Variants in RIMS2 observed in about 807,000 individuals in gnomAD.
RIMS2 encodes the protein regulating synaptic membrane exocytosis protein 2.
RIMS2 carries 59 observed loss-of-function variants against 174.4 expected under a neutral mutation model. The ratio of observed to expected loss-of-function variants is 0.34; its 90% CI spans 0.27 to 0.42. The LOEUF (loss-of-function observed/expected upper bound fraction) is 0.42, where lower values mean the gene tolerates loss of function less well. RIMS2 is among the 10% of genes least tolerant of loss of function. The pLI, the probability that RIMS2 is intolerant of heterozygous loss-of-function variation, is 1.00. For synonymous variants in RIMS2, 606 were observed against 572.5 expected (o/e 1.06, Z -0.84); for missense variants, 1,620 against 1,666.3 (o/e 0.97, Z 0.48).
At chr8:103,838,035 C>T (rs577045122) in intron 3 of RIMS2, among the ~76,000 whole-genome samples, 1 of 151,798 alleles carries the variant, frequency 6.6e-6, no homozygotes, top group East Asian at 1.9e-4. Context: ...CAGCTTTGAC[C>T]TCCCTGGCTC....
chr8:103,517,056 A>G (rs1185799553), intron 1 of RIMS2, among the ~76,000 whole-genome samples: 1 of 152,206 alleles, frequency 6.6e-6, no homozygotes, highest in African/African-American at 2.4e-5. Context: ...CTAATTTAGG[A>G]AACAGAGAGG....
At chr8:104,255,888 A>C (rs1480573579), downstream of RIMS2, 1 of 152,218 alleles carries the variant, frequency 6.6e-6, no homozygotes, top group East Asian at 1.9e-4. Flanking sequence ...TGTGCCACAC[A>C]CATCTTCCAT....
chr8:103,654,520 T>C (rs2135922066), intron 1 of RIMS2, among the ~76,000 whole-genome samples: 1 of 152,098 alleles, frequency 6.6e-6, no homozygotes, highest in East Asian at 1.9e-4. Context: ...AAATTCAGAA[T>C]CAATAGATTC....
At chr8:104,199,040 C>CTTTTATTTTATTTTA (rs61341032) in intron 19 of RIMS2, among the ~76,000 whole-genome samples, 58 of 148,548 alleles carry the variant, frequency 3.9e-4, no homozygotes, top group Admixed American at 2.2e-3. Flanking sequence ...TAAAATATAA[C>CTTTTATTTTATTTTA]TTTTATTTTA....
At chr8:104,096,232 C>T (rs543111903) in intron 19 of RIMS2, among the ~76,000 whole-genome samples, 1 of 152,216 alleles carries the variant, frequency 6.6e-6, no homozygotes, top group Admixed American at 6.5e-5. Flanking sequence ...TTTCTACATA[C>T]TGTATACATG....
intron 3 of RIMS2, among the ~76,000 whole-genome samples, chr8:103,805,085 A>C (rs2098641227): frequency 6.6e-6 from 1 of 151,948 alleles, no homozygotes; most frequent in Non-Finnish European, 1.5e-5. Flanking sequence ...GAACCACCAC[A>C]CCCAGCCTCA....
At chr8:104,201,907 A>C (rs1261211765) in intron 19 of RIMS2, among the ~76,000 whole-genome samples, 1 of 152,194 alleles carries the variant, frequency 6.6e-6, no homozygotes. Context: ...GCTAGTATTA[A>C]CAGTTTTCAT....
At chr8:103,621,770 A>G (rs1398080899) in intron 1 of RIMS2, among the ~76,000 whole-genome samples, 1 of 152,224 alleles carries the variant, frequency 6.6e-6, no homozygotes, top group Non-Finnish European at 1.5e-5. Context: ...AATATTCACA[A>G]ACATCAGAAG....
At chr8:103,556,555 C>T (rs2131803051) in intron 1 of RIMS2, among the ~76,000 whole-genome samples, 1 of 152,170 alleles carries the variant, frequency 6.6e-6, no homozygotes, top group East Asian at 1.9e-4. Context: ...GTAGCCAGGA[C>T]TTCATCTAAG....
chr8:103,962,711 C>T (rs528123451), intron 15 of RIMS2, among the ~76,000 whole-genome samples: 1 of 152,110 alleles, frequency 6.6e-6, no homozygotes, highest in East Asian at 1.9e-4. Flanking sequence ...GCATCCTCAA[C>T]TTCCCCAGGC....
chr8:103,731,735 C>G (rs565932755), intron 2 of RIMS2, among the ~76,000 whole-genome samples: 1 of 152,236 alleles, frequency 6.6e-6, no homozygotes, highest in South Asian at 2.1e-4. Flanking sequence ...TTAAGAGACT[C>G]TGATGCATTC....
chr8:103,902,343 T>C (rs911281194), intron 4 of RIMS2, among the ~76,000 whole-genome samples: 1 of 152,174 alleles, frequency 6.6e-6, no homozygotes, highest in African/African-American at 2.4e-5. Flanking sequence ...AACAGTGTCA[T>C]GGGAGTAAGA....
Position 104,248,544 on chromosome 8 carries a change from G to C in RIMS2, c.3477-157G>C, listed in dbSNP as rs189997365. On this transcript the variant is annotated intron_variant, in intron 20 of 23. Coordinates refer to ENST00000504942, the Ensembl canonical transcript of RIMS2. ...GGGCTGCTGAGAATATGAAGGAAGA[G>C]TCCTGGGAGGTGGAACTGGGTATTT... 1.6e-3 allele frequency among the ~76,000 whole-genome samples: 237 copies of C among 152,268 alleles called. 2 individuals are homozygous for C. Among genetic ancestry groups the C allele is most frequent in the East Asian group, 1.2e-3 (6 of 5,172 alleles).
intron 4 of RIMS2, among the ~76,000 whole-genome samples, chr8:103,897,485 G>A (rs764361220): frequency 8.6e-5 from 13 of 151,666 alleles, no homozygotes; most frequent in Non-Finnish European, 1.3e-4. Context: ...GGAAGTCTGC[G>A]TTACCTTCAT....
intron 4 of RIMS2, among the ~76,000 whole-genome samples, chr8:103,898,897 C>A (rs1421182983): frequency 6.6e-6 from 1 of 151,026 alleles, no homozygotes; most frequent in Admixed American, 6.6e-5. Context: ...CAACAGGCCC[C>A]AGTGTGTGAT....
intron 14 of RIMS2, among the ~76,000 whole-genome samples, chr8:103,955,570 T>A (rs1219325437): frequency 6.6e-6 from 1 of 152,160 alleles, no homozygotes; most frequent in African/African-American, 2.4e-5. Flanking sequence ...CTAAAAAGTC[T>A]CAATAAACTA....
chr8:103,863,098 G>C (rs149905868), intron 3 of RIMS2, among the ~76,000 whole-genome samples: 1 of 152,126 alleles, frequency 6.6e-6, no homozygotes, highest in African/African-American at 2.4e-5. Context: ...ATTGGCTGTG[G>C]GTTTGTCATA....
intron 1 of RIMS2, among the ~76,000 whole-genome samples, chr8:103,598,011 C>G (rs2094544526): frequency 6.6e-6 from 1 of 151,990 alleles, no homozygotes; most frequent in Non-Finnish European, 1.5e-5. Flanking sequence ...TGCTGTGGGT[C>G]AAGTTCAAAA....
At chr8:104,062,919 T>A (rs925265502) in intron 19 of RIMS2, among the ~76,000 whole-genome samples, 1 of 152,114 alleles carries the variant, frequency 6.6e-6, no homozygotes, top group African/African-American at 2.4e-5. Flanking sequence ...AACTTTAAAA[T>A]TTTTTAAAAT....
Sources: gnomAD v4.1 joint callset for allele counts (sites outside exome capture counted in the v4.1 genomes callset) on GRCh38, gnomAD v4.1.1 for gene constraint, MANE v1.5 for transcripts, NCBI Gene and HGNC (gene_info 2026-07-23, HGNC 2026-07-21) for gene names.